The following FGF13 variants were observed in gnomAD, a reference collection of about 807,000 sequenced individuals.
The protein encoded by FGF13 is fibroblast growth factor homologous factor 2.
FGF13 carries 2 observed loss-of-function variants against 19.5 expected under a neutral mutation model. The observed-to-expected ratio is 0.10, with a 90% CI of 0.04 to 0.32. FGF13 has a LOEUF of 0.32. Ranked by LOEUF, FGF13 falls within the 10% of genes least tolerant of loss-of-function variation. The pLI is 1.00. For synonymous variants in FGF13, 72 were observed against 76.9 expected (o/e 0.94, Z 0.33); for missense variants, 113 against 192.7 (o/e 0.59, Z 2.45).
intron 3 of FGF13, among the ~76,000 whole-genome samples, chrX:138,809,231 A>G (rs910158545): frequency 1.8e-5 from 2 of 112,036 alleles, no homozygotes; most frequent in Admixed American, 1.9e-4. Flanking sequence ...GCAGTATATC[A>G]AAAAGCTTAT....
Position 139,057,119 on chromosome X carries a change from G to A in FGF13, c.-113+146297C>T, listed in dbSNP as rs994826055. The stretch of plus-strand genomic sequence containing the variant: ...GACCTCTAATGCCCTCCCAGAACTT[G>A]GATGCAAAGATTCTATAAGAAGGGG... On this transcript the variant is annotated intron_variant, in intron 1 of 2. Coordinates refer to the FGF13 transcript ENST00000421460. Among the ~76,000 whole-genome samples the A allele has an allele frequency of 2.7e-5, 3 of 111,431 alleles. No homozygotes were observed. In the East Asian group the frequency reaches 8.4e-4, roughly 31 times the overall value.
At position 138,991,042 on chromosome X, in the gene FGF13, A is replaced by G. The variant is rs2092013454; in HGVS notation, c.-112-126392T>C. On this transcript the variant is annotated intron_variant, in intron 1 of 2. Coordinates refer to the FGF13 transcript ENST00000421460. ...AAGCCTCCTTTGAAATGGAGGCTCC[A>G]GGCCCAGTGCAGGCCCACAGTTACT... 3.6e-5 allele frequency among the ~76,000 whole-genome samples: 4 copies of G among 111,952 alleles called. No homozygotes were observed. The Admixed American group carries it at 3.8e-4, about 11-fold the overall frequency.
intron 3 of FGF13, among the ~76,000 whole-genome samples, chrX:138,653,241 A>C (rs2089396744): frequency 9.0e-6 from 1 of 111,309 alleles, no homozygotes; most frequent in African/African-American, 3.3e-5. Context: ...AAACAAAGAT[A>C]ATAATCTTTT....
intron 3 of FGF13, among the ~76,000 whole-genome samples, chrX:138,649,393 C>A (rs761738808): frequency 8.9e-6 from 1 of 111,790 alleles, no homozygotes; most frequent in Admixed American, 9.5e-5. Flanking sequence ...AAGCTTCAGG[C>A]AGAACTGGTT....
At chrX:138,913,182 C>CTTTTTTTTTTTTTTTTTTT (rs35078012) in intron 1 of FGF13, among the ~76,000 whole-genome samples, 2 of 37,094 alleles carry the variant, frequency 5.4e-5, no homozygotes, top group African/African-American at 2.5e-4. Flanking sequence ...AAAGCATCTA[C>CTTTTTTTTTTTTTTTTTTT]TTTTTTTTTT....
chrX:139,071,653 G>A (rs2092376930), intron 1 of FGF13, among the ~76,000 whole-genome samples: 1 of 111,235 alleles, frequency 9.0e-6, no homozygotes, highest in African/African-American at 3.3e-5. Flanking sequence ...TTCCATTACA[G>A]TCCACCCTAT....
chrX:139,069,731 T>C (rs1188170863), intron 1 of FGF13, among the ~76,000 whole-genome samples: 1 of 111,891 alleles, frequency 8.9e-6, no homozygotes, highest in Non-Finnish European at 1.9e-5. Context: ...CTTCACACTA[T>C]ACTACAAGGC....
At chrX:138,891,494 T>G (rs950338904) in intron 1 of FGF13, among the ~76,000 whole-genome samples, 1 of 111,031 alleles carries the variant, frequency 9.0e-6, no homozygotes, top group Non-Finnish European at 1.9e-5. Flanking sequence ...CCTCATGAAC[T>G]CATCTAAGCC....
At chrX:138,731,818 T>C (rs2090234333) in intron 1 of FGF13, among the ~76,000 whole-genome samples, 1 of 110,738 alleles carries the variant, frequency 9.0e-6, no homozygotes, top group Non-Finnish European at 1.9e-5. Context: ...GAATCATTAA[T>C]ATAATAAATA....
At position 138,954,097 on chromosome X, in the gene FGF13, AGAGAGAGAGAG is replaced by A. The variant is rs2091829251; in HGVS notation, c.-112-89458_-112-89448del. On this transcript the variant is annotated intron_variant, in intron 1 of 2. Transcript: ENST00000421460. ...CATTTCATAGTATGTAAATTTAACGAGAGAGAGAGAGAGAGAGAGAGAGAGGAGAGAGCATA... is the reference window on the plus strand; with the variant it reads ...CATTTCATAGTATGTAAATTTAACGAAGAGAGAGAGAGAGGAGAGAGCATA... Among the ~76,000 whole-genome samples the A allele has an allele frequency of 7.5e-5, 8 of 106,422 alleles. No individual in the cohort carries two copies. The Admixed American group carries it at 8.2e-4, about 11-fold the overall frequency. 92.4% of individuals were successfully genotyped at this position (106,422 alleles called of 115,157 possible). A position where few individuals can be genotyped will look rare whatever the true frequency, so the allele number is the denominator to read the frequency against.
intron 3 of FGF13, among the ~76,000 whole-genome samples, chrX:138,839,533 A>T (rs2091135630): frequency 3.6e-5 from 4 of 111,861 alleles, no homozygotes; most frequent in Admixed American, 2.9e-4. Context: ...TGCTGTTCAC[A>T]GAAAAAGGAA....
downstream of FGF13, among the ~76,000 whole-genome samples, chrX:138,853,468 T>C (rs185270362): frequency 9.0e-6 from 1 of 111,170 alleles, no homozygotes; most frequent in Non-Finnish European, 1.9e-5. Flanking sequence ...GTAATTTTGC[T>C]TTCTCTTGGT....
chrX:138,713,655 T>G (rs757561144), upstream of FGF13, among the ~76,000 whole-genome samples: 5 of 111,446 alleles, frequency 4.5e-5, no homozygotes, highest in Non-Finnish European at 7.5e-5. Flanking sequence ...TCCCACACCG[T>G]TTTTCCTCCA....
At chrX:139,196,599 G>A (rs930916107) in intron 1 of FGF13, among the ~76,000 whole-genome samples, 4 of 112,107 alleles carry the variant, frequency 3.6e-5, no homozygotes, top group African/African-American at 9.7e-5. Flanking sequence ...AAGTAATTTC[G>A]TCTTTGTGCA....
chrX:139,160,132 C>T (rs1387816153), intron 1 of FGF13, among the ~76,000 whole-genome samples: 1 of 111,966 alleles, frequency 8.9e-6, no homozygotes, highest in African/African-American at 3.2e-5. Flanking sequence ...GAAATCATAA[C>T]AAACAGTCTC....
At chrX:139,104,478 C>T (rs767838259) in intron 1 of FGF13, among the ~76,000 whole-genome samples, 23 of 111,280 alleles carry the variant, frequency 2.1e-4, no homozygotes, top group Non-Finnish European at 4.0e-4. Context: ...CTGGACTACT[C>T]TGCCTTTACT....
chrX:138,878,251 T>C (rs1222678015), intron 1 of FGF13, among the ~76,000 whole-genome samples: 1 of 107,196 alleles, frequency 9.3e-6, no homozygotes, highest in Non-Finnish European at 1.9e-5. Flanking sequence ...GCTGCACCCA[T>C]TAATTCGTCA....
chrX:139,082,063 G>T (rs773934302), intron 1 of FGF13, among the ~76,000 whole-genome samples: 1 of 111,318 alleles, frequency 9.0e-6, no homozygotes, highest in Admixed American at 9.6e-5. Context: ...TGTATGATCT[G>T]ATCTCTGGTT....
chrX:138,984,530 G>GAAGAAGAAC (rs2091980115), intron 1 of FGF13, among the ~76,000 whole-genome samples: 2 of 23,046 alleles, frequency 8.7e-5, no homozygotes, highest in Non-Finnish European at 1.7e-4. Context: ...AGAGGAAGAA[G>GAAGAAGAAC]AAGAAGAAGA....
Sources: allele counts gnomAD v4.1 joint callset (sites outside exome capture counted in the v4.1 genomes callset), GRCh38; gene constraint gnomAD v4.1.1; transcripts MANE v1.5; gene names NCBI Gene and HGNC (gene_info 2026-07-23, HGNC 2026-07-21).